The following MYRIP variants were observed in gnomAD, a reference collection of about 807,000 sequenced individuals.
The protein encoded by MYRIP is rab effector MyRIP.
Under a neutral mutation model 98.0 loss-of-function variants are expected in MYRIP, and 49 were observed. The ratio of observed to expected loss-of-function variants is 0.50; its 90% CI spans 0.40 to 0.63. The LOEUF (loss-of-function observed/expected upper bound fraction) is 0.63, where lower values mean the gene tolerates loss of function less well. Among genes scored for constraint, MYRIP ranks in the 30% least tolerant of loss-of-function variants. The pLI, the probability that MYRIP is intolerant of heterozygous loss-of-function variation, is 0.00. For synonymous variants in MYRIP, 404 were observed against 409.5 expected (o/e 0.99, Z 0.16); for missense variants, 1,004 against 1,058.2 (o/e 0.95, Z 0.71).
intron 11 of MYRIP, among the ~76,000 whole-genome samples, chr3:40,225,223 G>A (rs1174639672): frequency 6.6e-6 from 1 of 152,122 alleles, no homozygotes; most frequent in Non-Finnish European, 1.5e-5. Flanking sequence ...TTTTCTTATA[G>A]AGCACATCCT....
chr3:40,234,335 A>G (rs371141812), intron 12 of MYRIP, among the ~76,000 whole-genome samples: 1 of 152,204 alleles, frequency 6.6e-6, no homozygotes, highest in Non-Finnish European at 1.5e-5. Context: ...CAAGGACATG[A>G]TCTTACACAA....
intron 3 of MYRIP, among the ~76,000 whole-genome samples, chr3:40,063,213 C>T (rs1268720050): frequency 6.6e-6 from 1 of 152,160 alleles, no homozygotes; most frequent in African/African-American, 2.4e-5. Flanking sequence ...GACATGACAG[C>T]TAAATGAACT....
intron 13 of MYRIP, among the ~76,000 whole-genome samples, chr3:40,246,148 G>T (rs1953194341): frequency 6.6e-6 from 1 of 151,848 alleles, no homozygotes; most frequent in African/African-American, 2.4e-5. Context: ...GAAAATGACT[G>T]AAGTGAGTCT....
chr3:39,897,927 A>C (rs1943653958), intron 1 of MYRIP, among the ~76,000 whole-genome samples: 1 of 152,048 alleles, frequency 6.6e-6, no homozygotes, highest in Admixed American at 6.6e-5. Context: ...CTCAGAAACC[A>C]AAAGCCAGTG....
chr3:39,831,500 G>C (rs896727667), intron 1 of MYRIP, among the ~76,000 whole-genome samples: 5 of 151,984 alleles, frequency 3.3e-5, no homozygotes, highest in East Asian at 3.9e-4. Flanking sequence ...TTTATTTGTG[G>C]CTTAAAACTT....
chr3:40,062,158 G>A (rs1486612577), intron 3 of MYRIP, among the ~76,000 whole-genome samples: 1 of 152,204 alleles, frequency 6.6e-6, no homozygotes, highest in Admixed American at 6.5e-5. Flanking sequence ...TATTTGTCAT[G>A]AAATGTTTGC....
chr3:40,061,617 G>A (rs1441365088), intron 3 of MYRIP, among the ~76,000 whole-genome samples: 2 of 152,190 alleles, frequency 1.3e-5, no homozygotes, highest in Non-Finnish European at 2.9e-5. Context: ...GGATTGCTGG[G>A]TTGAATGGTA....
At chr3:39,874,567 T>C (rs1942914845) in intron 1 of MYRIP, among the ~76,000 whole-genome samples, 1 of 152,346 alleles carries the variant, frequency 6.6e-6, no homozygotes, top group Middle Eastern at 3.4e-3. Flanking sequence ...TTGAATTGTG[T>C]CAAAGGCCTT....
intron 1 of MYRIP, among the ~76,000 whole-genome samples, chr3:39,889,696 C>A (rs571987660): frequency 2.0e-5 from 3 of 151,824 alleles, no homozygotes; most frequent in Non-Finnish European, 4.4e-5. Flanking sequence ...TAAAAAAAGA[C>A]AATTTTTTCC....
At chr3:40,001,136 A>G (rs1336739017) in intron 2 of MYRIP, among the ~76,000 whole-genome samples, 1 of 152,236 alleles carries the variant, frequency 6.6e-6, no homozygotes. Flanking sequence ...CTAATGCTTC[A>G]TGGATATAAA....
chr3:40,184,139 C>G (rs1435745339), intron 9 of MYRIP, among the ~76,000 whole-genome samples: 1 of 152,184 alleles, frequency 6.6e-6, no homozygotes, highest in Non-Finnish European at 1.5e-5. Flanking sequence ...TTTCCTCCCT[C>G]TGCCCTCCCA....
intron 3 of MYRIP, among the ~76,000 whole-genome samples, chr3:40,140,326 A>G (rs911479026): frequency 6.6e-6 from 1 of 152,180 alleles, no homozygotes; most frequent in East Asian, 1.9e-4. Context: ...AATATTAGCC[A>G]TTCTTGTATA....
chr3:40,256,532 GA>G (rs1359370462), intron 16 of MYRIP, among the ~76,000 whole-genome samples: 21 of 146,670 alleles, frequency 1.4e-4, no homozygotes, highest in South Asian at 4.3e-4. Flanking sequence ...GAAGTTATTT[GA>G]AAAAAAAAAT....
intron 12 of MYRIP, among the ~76,000 whole-genome samples, chr3:40,235,969 A>G (rs1333490340): frequency 1.3e-5 from 2 of 152,220 alleles, no homozygotes; most frequent in East Asian, 1.9e-4. Context: ...CAGTGCTTAC[A>G]TTTACCTTTC....
Position 40,151,202 on chromosome 3 carries a change from C to T in MYRIP, c.469+18C>T, listed in dbSNP as rs150203869. The T allele has an allele frequency of 1.9e-4, 300 of 1,586,600 alleles. No individual in the cohort carries two copies. In the East Asian group the frequency reaches 4.7e-3, roughly 25 times the overall value. ...CATTCTAGGTACTCTCACTTCCTGC[C>T]GCTCTGGGAGTCTTTGGTGGGCTGG... On this transcript the variant is annotated intron_variant, in intron 4 of 16. Transcript: ENST00000302541.
At chr3:40,232,708 T>A (rs1167773407) in intron 11 of MYRIP, 1 of 152,216 alleles carries the variant, frequency 6.6e-6, no homozygotes, top group African/African-American at 2.4e-5. Context: ...TATGTTCAGA[T>A]GAACTCAAAA....
intron 8 of MYRIP, among the ~76,000 whole-genome samples, chr3:40,177,073 T>TA (rs78605256): frequency 0.031 from 4,220 of 135,104 alleles, 206 homozygotes; most frequent in African/African-American, 0.1. Context: ...AGACCCTGTC[T>TA]AAAAAAAAAA....
At chr3:39,854,975 G>A (rs1942242745) in intron 1 of MYRIP, among the ~76,000 whole-genome samples, 1 of 152,230 alleles carries the variant, frequency 6.6e-6, no homozygotes, top group Non-Finnish European at 1.5e-5. Flanking sequence ...ATGTTTGCAA[G>A]GAGGTGTGTG....
intron 13 of MYRIP, among the ~76,000 whole-genome samples, chr3:40,246,147 T>C (rs1214596780): frequency 1.3e-5 from 2 of 151,960 alleles, no homozygotes; most frequent in African/African-American, 2.4e-5. Context: ...AGAAAATGAC[T>C]GAAGTGAGTC....
Sources: gnomAD v4.1 joint callset for allele counts (sites outside exome capture counted in the v4.1 genomes callset) on GRCh38, gnomAD v4.1.1 for gene constraint, MANE v1.5 for transcripts, NCBI Gene and HGNC (gene_info 2026-07-23, HGNC 2026-07-21) for gene names.